The following SLCO1B1 variants were observed in gnomAD, a reference collection of about 807,000 sequenced individuals.
SLCO1B1 encodes the protein OATP-2.
SLCO1B1 carries 81 observed loss-of-function variants against 70.1 expected under a neutral mutation model. The ratio of observed to expected loss-of-function variants is 1.16; its 90% confidence interval spans 0.97 to 1.39. The LOEUF is 1.39. SLCO1B1 is among the 40% of genes most tolerant of loss of function. The probability of loss-of-function intolerance (pLI) is 0.00; values close to 1 mark genes in which losing one functional copy is unlikely to be tolerated. For missense variants in SLCO1B1, 895 were observed against 799.6 expected (o/e 1.12, Z -1.44); for synonymous variants, 283 against 271.5 (o/e 1.04, Z -0.42).
intron 9 of SLCO1B1, 149 bp from the exon 10 acceptor site, chr12:21,202,342 A>G (rs1941168040): frequency 4.8e-6 from 3 of 619,094 alleles, no homozygotes; most frequent in Admixed American, 3.0e-5. Flanking sequence ...AAACATGCAC[A>G]TTCTGCACAT....
At chr12:21,152,095 C>T (rs780222970) in intron 2 of SLCO1B1, among the ~76,000 whole-genome samples, 10 of 151,652 alleles carry the variant, frequency 6.6e-5, no homozygotes, top group Non-Finnish European at 1.3e-4. Flanking sequence ...TTTTTATTTG[C>T]TTTTTAGTTT....
intron 2 of SLCO1B1, among the ~76,000 whole-genome samples, chr12:21,161,726 A>G (rs1017447649): frequency 2.0e-5 from 3 of 152,178 alleles, no homozygotes; most frequent in Non-Finnish European, 4.4e-5. Flanking sequence ...CAAATTAAAA[A>G]AAAAAGATTT....
At chr12:21,238,391 T>C (rs1941615363) in intron 14 of SLCO1B1, among the ~76,000 whole-genome samples, 1 of 152,204 alleles carries the variant, frequency 6.6e-6, no homozygotes. Context: ...TCATAGTTGT[T>C]TTAAATTCCA....
chr12:21,179,966 C>T (rs1466156960), intron 7 of SLCO1B1, among the ~76,000 whole-genome samples: 1 of 152,118 alleles, frequency 6.6e-6, no homozygotes, highest in Non-Finnish European at 1.5e-5. Flanking sequence ...CTTCTCACCT[C>T]CCATCCACTT....
At chr12:21,217,884 TG>T (rs1384725535) in intron 12 of SLCO1B1, among the ~76,000 whole-genome samples, 1 of 152,160 alleles carries the variant, frequency 6.6e-6, no homozygotes, top group African/African-American at 2.4e-5. Context: ...ATAAGATACT[TG>T]TTGTCATACA....
chr12:21,135,588 A>G (rs57094487), intron 1 of SLCO1B1, among the ~76,000 whole-genome samples: 10,326 of 152,178 alleles, frequency 0.068, 1,070 homozygotes, highest in African/African-American at 0.23. Context: ...CCATTAGGTA[A>G]TGGCCTTCTT....
At chr12:21,144,389 A>G (rs964851977) in intron 2 of SLCO1B1, among the ~76,000 whole-genome samples, 1 of 152,132 alleles carries the variant, frequency 6.6e-6, no homozygotes, top group African/African-American at 2.4e-5. Context: ...TATTAATGAA[A>G]AAAACCTCTG....
At position 21,178,677 on chromosome 12, in the gene SLCO1B1, T is replaced by A; in HGVS notation, c.583T>A (p.Tyr195Asn). The A allele has an allele frequency of 6.2e-7, 1 of 1,607,656 alleles. No individual in the cohort carries two copies. Among genetic ancestry groups the A allele is most frequent in the Non-Finnish European group, 8.5e-7 (1 of 1,174,140 alleles). ...ETPIVPLGLS[Y>N]IDDFAKEGHS... ...TCCCATAGTACCATTGGGGCTTTCT[T>A]ACATTGATGATTTCGCTAAAGAAGG... is the stretch of plus-strand genomic sequence containing the variant. The change falls in exon 6 of 15, where the codon TAC becomes AAC. Residue 195 changes from tyrosine (Y) to asparagine (N), a missense_variant. Coordinates refer to ENST00000256958, the MANE Select transcript of SLCO1B1 (RefSeq NM_006446.5).
chr12:21,172,391 A>T (rs1940766444), intron 2 of SLCO1B1, among the ~76,000 whole-genome samples: 1 of 152,200 alleles, frequency 6.6e-6, no homozygotes, highest in Non-Finnish European at 1.5e-5. Flanking sequence ...AGATTAATTT[A>T]AAAATAACAA....
chr12:21,221,295 TG>T (rs1941421030), intron 12 of SLCO1B1, among the ~76,000 whole-genome samples: 1 of 152,092 alleles, frequency 6.6e-6, no homozygotes, highest in Non-Finnish European at 1.5e-5. Flanking sequence ...GCACATAGTA[TG>T]GGAAGTCCTA....
At chr12:21,225,723 CA>C (rs201102367) in intron 14 of SLCO1B1, among the ~76,000 whole-genome samples, 8 of 151,938 alleles carry the variant, frequency 5.3e-5, no homozygotes, top group Non-Finnish European at 7.4e-5. Context: ...TAAACATCAG[CA>C]AAAAAACCAT....
intron 2 of SLCO1B1, among the ~76,000 whole-genome samples, chr12:21,163,247 T>C (rs1185668202): frequency 6.6e-6 from 1 of 152,166 alleles, no homozygotes; most frequent in African/African-American, 2.4e-5. Context: ...CACTATGACA[T>C]TGTTTTCTTT....
At chr12:21,143,462 A>T (rs1263575521) in intron 2 of SLCO1B1, among the ~76,000 whole-genome samples, 1 of 152,110 alleles carries the variant, frequency 6.6e-6, no homozygotes, top group African/African-American at 2.4e-5. Context: ...CCTTAATAAT[A>T]GTAGCTAACA....
intron 1 of SLCO1B1, among the ~76,000 whole-genome samples, chr12:21,132,458 T>G (rs900162646): frequency 6.6e-6 from 1 of 152,304 alleles, no homozygotes; most frequent in East Asian, 1.9e-4. Context: ...ACCAACAGTG[T>G]AAAAGTGTTC....
chr12:21,227,230 C>CCTGCAGAAA (rs1261347613), intron 14 of SLCO1B1, among the ~76,000 whole-genome samples: 2,505 of 151,896 alleles, frequency 0.016, 67 homozygotes, highest in African/African-American at 0.057. Context: ...ATAAATAGTT[C>CCTGCAGAAA]TACCTGCAGG....
At position 21,167,630 on chromosome 12, in the gene SLCO1B1, G is replaced by A. The variant is rs1940702554; in HGVS notation, c.85-5020G>A. Among the ~76,000 whole-genome samples, 3 of 151,988 alleles carry A rather than the reference G, an allele frequency of 2.0e-5. No individual in the cohort carries two copies. In the South Asian group the frequency reaches 6.2e-4, roughly 31 times the overall value. On this transcript the variant is annotated intron_variant, in intron 2 of 14. Coordinates refer to ENST00000256958, the MANE Select transcript of SLCO1B1 (RefSeq NM_006446.5). Reference sequence around the variant, plus strand: ...GTACCTTTTCAACCAATTTTTAAGTGTACAATTAAAAAGTGTAAAGTACAC... The same window carrying A: ...GTACCTTTTCAACCAATTTTTAAGTATACAATTAAAAAGTGTAAAGTACAC...
At chr12:21,222,178 G>A in intron 12 of SLCO1B1, 122 bp from the exon 13 acceptor site, 1 of 329,712 alleles carries the variant, frequency 3.0e-6, no homozygotes, top group Non-Finnish European at 5.8e-6. Context: ...TTATATAATG[G>A]GGCCATTCAA....
intron 14 of SLCO1B1, among the ~76,000 whole-genome samples, chr12:21,237,435 T>C (rs1941606796): frequency 6.6e-6 from 1 of 152,182 alleles, no homozygotes; most frequent in Non-Finnish European, 1.5e-5. Context: ...CTTGCTTGCA[T>C]GGTTTCTGAA....
At chr12:21,193,981 T>G (rs200855595) in intron 7 of SLCO1B1, among the ~76,000 whole-genome samples, 1 of 152,054 alleles carries the variant, frequency 6.6e-6, no homozygotes, top group East Asian at 1.9e-4. Context: ...TTAGTAGAGA[T>G]GGGGTTTCAC....
Sources: allele counts gnomAD v4.1 joint callset (sites outside exome capture counted in the v4.1 genomes callset), GRCh38; gene constraint gnomAD v4.1.1; transcripts MANE v1.5; gene names NCBI Gene and HGNC (gene_info 2026-07-23, HGNC 2026-07-21).